CEP162: variants seen among roughly 807,000 people sequenced by gnomAD.
CEP162 encodes centrosomal protein of 162 kDa.
In CEP162, 141 loss-of-function variants were observed where a neutral mutation model predicts 169.2. The observed-to-expected ratio is 0.83, with a 90% CI of 0.73 to 0.96. The LOEUF (loss-of-function observed/expected upper bound fraction) is 0.96, where lower values mean the gene tolerates loss of function less well. Among genes scored for constraint, CEP162 ranks in the 40% least tolerant of loss-of-function variants. The pLI is 0.00. For synonymous variants in CEP162, 540 were observed against 526.4 expected (o/e 1.03, Z -0.35); for missense variants, 1,600 against 1,587.2 (o/e 1.01, Z -0.14).
In CEP162 at chr6:84,152,950, T is replaced by G; in HGVS notation, c.3224A>C (p.Glu1075Ala). The change falls in exon 23 of 27, where the codon GAA becomes GCA. Residue 1075 changes from glutamate (E) to alanine (A), a missense_variant. By Grantham distance (107) the Glu-to-Ala change is moderately radical. Transcript: ENST00000403245. ...AGCATGAGCCTGTTCCACCTGGAAT[T>G]CTATAGACTGAAAATCTTCATCATC... ...DKDDEDFQSI[E>A]FQVEQAHAKA... 6.2e-7 allele frequency: 1 copy of G among 1,613,752 alleles called. No individual in the cohort carries two copies. The highest frequency in any genetic ancestry group is 8.5e-7 in the Non-Finnish European group (1 of 1,179,790).
intron 25 of CEP162, among the ~76,000 whole-genome samples, chr6:84,127,872 G>C (rs1642121016): frequency 6.6e-6 from 1 of 152,182 alleles, no homozygotes; most frequent in South Asian, 2.1e-4. Flanking sequence ...TGGAAGAGAA[G>C]AAGGGCCACA....
intron 25 of CEP162, among the ~76,000 whole-genome samples, chr6:84,137,724 G>T (rs1163781699): frequency 1.3e-5 from 2 of 151,970 alleles, no homozygotes; most frequent in Non-Finnish European, 2.9e-5. Flanking sequence ...GAAGATTTTT[G>T]CAGTCAATTA....
rs1439034609 is a variant in CEP162 at position 84,215,374 on chromosome 6, C to T, written c.411G>A (p.Arg137=). 2 of 1,607,284 alleles carry T rather than the reference C, an allele frequency of 1.2e-6. No homozygotes were observed. Among genetic ancestry groups the T allele is most frequent in the South Asian group, 1.1e-5 (1 of 89,934 alleles). Residue 137 remains arginine (R), a synonymous_variant, in exon 5 of 27, where the codon AGG becomes AGA. Transcript: ENST00000403245. ...EQEEKEQFFA[R]LEKGLTSSID... ...TGGAAGATGTCAAGCCTTTCTCAAG[C>T]CTGGCAAAAAATTGTTCTTTCTCCT...
In CEP162 at chr6:84,138,180, C is replaced by CT. The variant is rs574168017; in HGVS notation, c.3870+8506_3870+8507insA. 3.6e-3 allele frequency among the ~76,000 whole-genome samples: 550 copies of CT among 152,274 alleles called. 3 individuals are homozygous for CT. Among genetic ancestry groups the CT allele is most frequent in the Admixed American group, 5.9e-3 (90 of 15,298 alleles). ...TCTGTGGCGATGTATAGTGTACTTTCACTTGTGGTCATGTGGAGTCAAGGG... is the reference window on the plus strand; with the variant it reads ...TCTGTGGCGATGTATAGTGTACTTTCTACTTGTGGTCATGTGGAGTCAAGGG... On this transcript the variant is annotated intron_variant, in intron 25 of 26. Transcript: ENST00000403245.
At chr6:84,170,933 G>A (rs1247661727) in intron 17 of CEP162, among the ~76,000 whole-genome samples, 2 of 152,162 alleles carry the variant, frequency 1.3e-5, no homozygotes, top group Non-Finnish European at 2.9e-5. Flanking sequence ...CGCAGCCCCT[G>A]ACCCGGCATA....
chr6:84,174,199 T>C lies in CEP162; in HGVS notation c.2026-11A>G, dbSNP rs1220562886. The C allele has an allele frequency of 3.1e-6, 5 of 1,591,394 alleles. No homozygotes were observed. Among genetic ancestry groups the C allele is most frequent in the Admixed American group, 1.8e-5 (1 of 55,792 alleles). ...TTCAAAGCTGCTTAACTTGGAGAAATTGCAGAAATTGTTTTATTTGGGGAA... is the reference window on the plus strand; with the variant it reads ...TTCAAAGCTGCTTAACTTGGAGAAACTGCAGAAATTGTTTTATTTGGGGAA... On this transcript the variant is annotated splice_polypyrimidine_tract_variant and intron_variant, in intron 15 of 26. Transcript: ENST00000403245.
At chr6:84,212,445 A>C (rs939819188) in intron 6 of CEP162, among the ~76,000 whole-genome samples, 1 of 152,144 alleles carries the variant, frequency 6.6e-6, no homozygotes, top group African/African-American at 2.4e-5. Context: ...AGTTCATATA[A>C]ATACAGTGAT....
At chr6:84,150,517 C>A (rs2099520704) in intron 23 of CEP162, among the ~76,000 whole-genome samples, 1 of 151,902 alleles carries the variant, frequency 6.6e-6, no homozygotes, top group Admixed American at 6.6e-5. Flanking sequence ...TGAGTAGGGT[C>A]CTAGAAAAAG....
chr6:84,150,227 T>A (rs1272463141), intron 23 of CEP162, among the ~76,000 whole-genome samples: 1 of 122,594 alleles, frequency 8.2e-6, no homozygotes, highest in Middle Eastern at 3.8e-3. Context: ...AATTAATTAA[T>A]TGGACTGTAA....
intron 25 of CEP162, among the ~76,000 whole-genome samples, chr6:84,133,247 T>C (rs1420191885): frequency 1.3e-5 from 2 of 152,144 alleles, no homozygotes; most frequent in South Asian, 2.1e-4. Flanking sequence ...GGCACCCGGC[T>C]GTATGAGGTG....
chr6:84,198,534 C>T (rs1388475484), intron 9 of CEP162, among the ~76,000 whole-genome samples: 1 of 152,136 alleles, frequency 6.6e-6, no homozygotes, highest in Non-Finnish European at 1.5e-5. Flanking sequence ...CCCGCTCCGG[C>T]CTCCTAAAGT....
At chr6:84,209,342 G>A (rs2127742550) in intron 6 of CEP162, among the ~76,000 whole-genome samples, 1 of 151,796 alleles carries the variant, frequency 6.6e-6, no homozygotes, top group African/African-American at 2.4e-5. Context: ...AATGTTTATA[G>A]TAATTATTGC....
intron 9 of CEP162, among the ~76,000 whole-genome samples, chr6:84,196,023 C>G (rs1167982272): frequency 2.0e-5 from 3 of 152,202 alleles, no homozygotes; most frequent in African/African-American, 7.2e-5. Context: ...AATCACATCA[C>G]TACTCAGTCA....
chr6:84,212,272 C>T (rs1272699852), intron 6 of CEP162, among the ~76,000 whole-genome samples: 3 of 152,180 alleles, frequency 2.0e-5, no homozygotes, highest in East Asian at 1.9e-4. Context: ...GATAAATACA[C>T]ATTTTTACAT....
chr6:84,205,446 T>C (rs1311861401), intron 6 of CEP162, among the ~76,000 whole-genome samples: 1 of 152,164 alleles, frequency 6.6e-6, no homozygotes, highest in Non-Finnish European at 1.5e-5. Flanking sequence ...ATCCAGCATA[T>C]AAACAGAGCC....
intron 25 of CEP162, among the ~76,000 whole-genome samples, chr6:84,144,382 A>G (rs887673914): frequency 1.3e-5 from 2 of 152,172 alleles, no homozygotes; most frequent in African/African-American, 2.4e-5. Context: ...TTAATATCTT[A>G]ATGTTGTATT....
intron 11 of CEP162, among the ~76,000 whole-genome samples, chr6:84,191,000 T>G (rs2099539649): frequency 6.6e-6 from 1 of 152,164 alleles, no homozygotes; most frequent in Non-Finnish European, 1.5e-5. Flanking sequence ...ATGAGGTTGT[T>G]TTTTGCTTGT....
At chr6:84,141,797 A>G (rs2099516770) in intron 25 of CEP162, among the ~76,000 whole-genome samples, 1 of 152,128 alleles carries the variant, frequency 6.6e-6, no homozygotes, top group African/African-American at 2.4e-5. Context: ...CCAGAGCTCC[A>G]TCATCAACTC....
intron 11 of CEP162, among the ~76,000 whole-genome samples, chr6:84,187,746 C>T (rs749070342): frequency 6.6e-6 from 1 of 152,168 alleles, no homozygotes; most frequent in Non-Finnish European, 1.5e-5. Context: ...AAACTGTCAT[C>T]TACAAAAGTT....
Sources: gnomAD v4.1 joint callset for allele counts (sites outside exome capture counted in the v4.1 genomes callset) on GRCh38, gnomAD v4.1.1 for gene constraint, MANE v1.5 for transcripts, NCBI Gene and HGNC (gene_info 2026-07-23, HGNC 2026-07-21) for gene names.